The following LOC400499 variants were observed in gnomAD, a reference collection of about 807,000 sequenced individuals.
chr16:11,515,705 G>A, the LOC400499 span, among the ~76,000 whole-genome samples: 1 of 150,112 alleles, frequency 6.7e-6, no homozygotes, highest in Non-Finnish European at 1.5e-5. Flanking sequence ...AAGAGCTGAG[G>A]AGGGAGGAGG....
the LOC400499 span, chr16:11,402,320 T>C: frequency 2.5e-6 from 1 of 395,940 alleles, no homozygotes; most frequent in Non-Finnish European, 4.4e-6. Context: ...ACTCAGAAGC[T>C]ACACACTCGC....
the LOC400499 span, chr16:11,515,888 CCA>C: frequency 2.6e-5 from 1 of 39,210 alleles, no homozygotes. Flanking sequence ...CCAGCCCAGC[CCA>C]GCCTAGCCCA....
the LOC400499 span, among the ~76,000 whole-genome samples, chr16:11,453,632 C>A: frequency 6.6e-6 from 1 of 151,788 alleles, no homozygotes; most frequent in Admixed American, 6.6e-5. Flanking sequence ...TCGAGGAAAT[C>A]GGCTCTTGAA....
chr16:11,508,945 A>C, the LOC400499 span: 1 of 397,274 alleles, frequency 2.5e-6, no homozygotes, highest in East Asian at 3.6e-5. Context: ...CACCCCCTCC[A>C]GTGCTTCCTT....
the LOC400499 span, among the ~76,000 whole-genome samples, chr16:11,423,821 G>C: frequency 1.3e-5 from 2 of 152,186 alleles, no homozygotes; most frequent in African/African-American, 4.8e-5. Flanking sequence ...ACAGGGCCTG[G>C]TGCAGGCTGC....
At chr16:11,486,738 T>A in the LOC400499 span, among the ~76,000 whole-genome samples, 1 of 74,988 alleles carries the variant, frequency 1.3e-5, no homozygotes, top group African/African-American at 7.8e-5. Flanking sequence ...GGTGGATGAA[T>A]GGATAATGGG....
the LOC400499 span, among the ~76,000 whole-genome samples, chr16:11,393,966 T>A: frequency 1.6e-4 from 25 of 152,242 alleles, no homozygotes; most frequent in Non-Finnish European, 3.2e-4. Context: ...TTTTAATTTT[T>A]AAAAATACCC....
chr16:11,453,812 G>GA, the LOC400499 span, among the ~76,000 whole-genome samples: 4 of 150,866 alleles, frequency 2.7e-5, no homozygotes, highest in Non-Finnish European at 5.9e-5. Context: ...CCAAAAAAAA[G>GA]AAAAAGAAAA....
the LOC400499 span, among the ~76,000 whole-genome samples, chr16:11,463,014 G>A: frequency 1.3e-5 from 2 of 152,258 alleles, no homozygotes; most frequent in South Asian, 2.1e-4. Context: ...AACCAGACAC[G>A]TCGAATGATG....
chr16:11,453,473 T>C, the LOC400499 span, among the ~76,000 whole-genome samples: 4,151 of 152,164 alleles, frequency 0.027, 157 homozygotes, highest in African/African-American at 0.088. Flanking sequence ...TAAAACTCCC[T>C]GAAATTCTGT....
At chr16:11,446,399 C>G in the LOC400499 span, 5,520 of 680,328 alleles carry the variant, frequency 8.1e-3, 261 homozygotes, top group African/African-American at 0.089. Flanking sequence ...CTTAAGCGAT[C>G]TTCTCACCTC....
At chr16:11,476,657 G>A in the LOC400499 span, 279 of 340,208 alleles carry the variant, frequency 8.2e-4, 2 homozygotes, top group African/African-American at 0.012. Context: ...TGCACACGCA[G>A]ACGTGATCAC....
chr16:11,461,253 C>T, the LOC400499 span: 2 of 1,104,020 alleles, frequency 1.8e-6, no homozygotes, highest in Non-Finnish European at 2.5e-6. Flanking sequence ...CCAACATGTG[C>T]ACCCTGCACA....
the LOC400499 span, chr16:11,519,112 G>A: frequency 2.5e-6 from 1 of 396,932 alleles, no homozygotes; most frequent in Non-Finnish European, 4.4e-6. Context: ...CCCCTCCCTT[G>A]ACCAGGTACC....
chr16:11,399,295 G>C, the LOC400499 span: 3 of 951,796 alleles, frequency 3.2e-6, no homozygotes, highest in East Asian at 1.1e-4. Flanking sequence ...CCACATCCCA[G>C]TTAGGAAGGG....
At chr16:11,501,962 T>A in the LOC400499 span, 1 of 396,256 alleles carries the variant, frequency 2.5e-6, no homozygotes, top group Non-Finnish European at 4.4e-6. Context: ...GGGGACGGGA[T>A]GACGCATCAG....
the LOC400499 span, chr16:11,442,179 A>G: frequency 1.3e-5 from 2 of 152,198 alleles, no homozygotes; most frequent in Non-Finnish European, 2.9e-5. Context: ...GTCCAAGACG[A>G]GAGAAAAATG....
the LOC400499 span, chr16:11,523,540 G>A: frequency 2.1e-3 from 844 of 398,140 alleles, 17 homozygotes; most frequent in East Asian, 0.029. Flanking sequence ...CCCACGCTAT[G>A]GGCCACTGAC....
chr16:11,446,740 A>C, the LOC400499 span: 817,783 of 1,534,798 alleles, frequency 0.53, 218,896 homozygotes, highest in South Asian at 0.63. Flanking sequence ...TGCCCCAGAC[A>C]CACTCACGTA....
Sources: allele counts gnomAD v4.1 joint callset (sites outside exome capture counted in the v4.1 genomes callset), GRCh38; gene constraint gnomAD v4.1.1; transcripts MANE v1.5.